MYO18B: variants seen among roughly 807,000 people sequenced by gnomAD.
The protein encoded by MYO18B is myosin XVIIIB.
Under a neutral mutation model 273.0 loss-of-function variants are expected in MYO18B, and 204 were observed. The ratio of observed to expected loss-of-function variants is 0.75; its 90% CI spans 0.67 to 0.84. The LOEUF is 0.84. MYO18B is among the 40% of genes least tolerant of loss of function. The pLI is 0.00. For synonymous variants in MYO18B, 1,330 were observed against 1,305.7 expected (o/e 1.02, Z -0.40); for missense variants, 3,212 against 3,287.6 (o/e 0.98, Z 0.56).
At chr22:25,774,332 G>A (rs995047433) in intron 7 of MYO18B, among the ~76,000 whole-genome samples, 4 of 152,196 alleles carry the variant, frequency 2.6e-5, no homozygotes, top group Admixed American at 2.6e-4. Flanking sequence ...TCCCGTCCTT[G>A]TGGTGAGTGC....
At chr22:26,058,774 G>A in the MYO18B span, among the ~76,000 whole-genome samples, 8 of 152,242 alleles carry the variant, frequency 5.3e-5, no homozygotes, top group African/African-American at 1.9e-4. Flanking sequence ...TCCATCATGA[G>A]TGGAAGCAGC....
At chr22:25,954,129 T>C (rs1250961570) in intron 38 of MYO18B, among the ~76,000 whole-genome samples, 1 of 152,200 alleles carries the variant, frequency 6.6e-6, no homozygotes. Context: ...TCAGGATCGA[T>C]TGGTTCCCGG....
intron 25 of MYO18B, among the ~76,000 whole-genome samples, chr22:25,885,069 A>G (rs2091457642): frequency 6.6e-6 from 1 of 152,222 alleles, no homozygotes; most frequent in Admixed American, 6.5e-5. Flanking sequence ...CAAAGCATTC[A>G]ATGCAAATTC....
the MYO18B span, among the ~76,000 whole-genome samples, chr22:26,047,261 G>A: frequency 1.3e-5 from 2 of 151,874 alleles, no homozygotes; most frequent in Non-Finnish European, 2.9e-5. Context: ...TGAGTAGCTG[G>A]GACTACAGGC....
intron 42 of MYO18B, 62 bp from the exon 43 acceptor site, chr22:26,026,383 C>A: frequency 6.5e-7 from 1 of 1,535,582 alleles, no homozygotes; most frequent in Non-Finnish European, 8.8e-7. Context: ...GCTCTCACAC[C>A]GATTGCACAA....
intron 28 of MYO18B, chr22:25,897,370 C>G (rs561043543): frequency 3.3e-5 from 5 of 152,202 alleles, no homozygotes; most frequent in Non-Finnish European, 5.9e-5. Flanking sequence ...TTGATATCCT[C>G]TATGCTGATG....
Position 25,772,412 on chromosome 22 carries a change from C to CG in MYO18B, c.1771_1772insG (p.Leu591ArgfsTer17), listed in dbSNP as rs767453045. The CG allele has an allele frequency of 1.2e-6, 2 of 1,613,928 alleles. No homozygotes were observed. Among genetic ancestry groups the CG allele is most frequent in the Non-Finnish European group, 8.5e-7 (1 of 1,179,904 alleles). ...CAACGAATCCAGTGTCCTGAACACG[C>CG]TTCTGCAGCGCTACAAAGCTCAGCT... is the stretch of plus-strand genomic sequence containing the variant. On this transcript the variant is annotated frameshift_variant, in exon 7 of 44. Coordinates refer to ENST00000335473, the MANE Select transcript of MYO18B (RefSeq NM_032608.7). LOFTEE classifies it high-confidence loss of function.
At chr22:26,051,444 C>T in the MYO18B span, among the ~76,000 whole-genome samples, 4 of 152,126 alleles carry the variant, frequency 2.6e-5, no homozygotes, top group African/African-American at 7.2e-5. Flanking sequence ...AGGATGGTCT[C>T]GATCTCTTGT....
At chr22:25,900,443 G>A (rs939647962) in intron 29 of MYO18B, 1 of 152,264 alleles carries the variant, frequency 6.6e-6, no homozygotes, top group Non-Finnish European at 1.5e-5. Context: ...ATAGAGTGAT[G>A]CCTCCACATT....
chr22:25,770,447 C>T (rs991760992), intron 5 of MYO18B, among the ~76,000 whole-genome samples: 2 of 152,170 alleles, frequency 1.3e-5, no homozygotes, highest in African/African-American at 2.4e-5. Flanking sequence ...ATCTCATGAG[C>T]CTACTTTTGT....
intron 39 of MYO18B, among the ~76,000 whole-genome samples, chr22:25,955,817 G>A (rs911756016): frequency 3.9e-5 from 6 of 152,046 alleles, no homozygotes; most frequent in African/African-American, 9.7e-5. Context: ...AGGACAAACC[G>A]AGCCTTCCAG....
intron 21 of MYO18B, among the ~76,000 whole-genome samples, chr22:25,866,633 G>T (rs2146132380): frequency 6.6e-6 from 1 of 152,022 alleles, no homozygotes; most frequent in South Asian, 2.1e-4. Context: ...GAGGTCAAGA[G>T]ATGGAGACCA....
At chr22:25,895,666 C>T (rs1269127459) in intron 28 of MYO18B, 1 of 163,868 alleles carries the variant, frequency 6.1e-6, no homozygotes, top group Non-Finnish European at 1.3e-5. Flanking sequence ...AATCTGCTAC[C>T]TTCATCTCTC....
chr22:25,989,746 C>T lies in MYO18B; in HGVS notation c.6157-2617C>T, dbSNP rs6004878. ...CTGGGAGGCGGAGCTTGCAGTAAGCCGAGATAGTGAGACTCCGTCTCAAAA... is the reference window on the plus strand; with the variant it reads ...CTGGGAGGCGGAGCTTGCAGTAAGCTGAGATAGTGAGACTCCGTCTCAAAA... On this transcript the variant is annotated intron_variant, in intron 39 of 43. Transcript: ENST00000335473. Among the ~76,000 whole-genome samples the T allele has an allele frequency of 3.4e-3, 462 of 135,556 alleles. 3 individuals carry two copies. The highest frequency in any genetic ancestry group is 0.012 in the African/African-American group (438 of 35,214). 88.9% of individuals were successfully genotyped at this position (135,556 alleles called of 152,430 possible).
chr22:25,907,948 G>A (rs1040045282), intron 31 of MYO18B, among the ~76,000 whole-genome samples: 15 of 151,084 alleles, frequency 9.9e-5, no homozygotes, highest in East Asian at 3.9e-4. Context: ...CAGGAGAATC[G>A]CTTAAAGCCA....
intron 39 of MYO18B, among the ~76,000 whole-genome samples, chr22:25,989,626 C>CAAAAAAAAAA (rs56004208): frequency 2.3e-5 from 2 of 88,594 alleles, no homozygotes; most frequent in Non-Finnish European, 2.0e-5. Context: ...ACTAAAAATA[C>CAAAAAAAAAA]AAAAAAAAAA....
rs1936253114 is a variant in MYO18B, at chr22:26,026,531, C to A, written c.6557C>A (p.Thr2186Asn). Residue 2186 changes from threonine to asparagine, a missense_variant, in exon 43 of 44, where the codon ACC becomes AAC. Coordinates refer to ENST00000335473, the MANE Select transcript of MYO18B (RefSeq NM_032608.7). The stretch of plus-strand genomic sequence containing the variant: ...CGGTCCACCAATGTCCACAGCAAGA[C>A]CTCAGGAGACAAGCCTGTTTCTCCC... ...RARSTNVHSK[T>N]SGDKPVSPHF... The A allele has an allele frequency of 6.2e-7, 1 of 1,613,900 alleles. No homozygotes were observed. The highest frequency in any genetic ancestry group is 8.5e-7 in the Non-Finnish European group (1 of 1,179,894).
At chr22:25,895,089 G>T in intron 27 of MYO18B, 67 bp from the exon 28 acceptor site, 2 of 1,552,808 alleles carry the variant, frequency 1.3e-6, no homozygotes, top group Non-Finnish European at 1.8e-6. Flanking sequence ...GTGGAGGAGA[G>T]CCACTCACAC....
the MYO18B span, among the ~76,000 whole-genome samples, chr22:26,060,679 A>G: frequency 0.02 from 3,067 of 152,288 alleles, 120 homozygotes; most frequent in African/African-American, 0.068. Context: ...ACACATGCAC[A>G]CTACACACAT....
Sources: allele counts gnomAD v4.1 joint callset (sites outside exome capture counted in the v4.1 genomes callset), GRCh38; gene constraint gnomAD v4.1.1; transcripts MANE v1.5; gene names NCBI Gene and HGNC (gene_info 2026-07-23, HGNC 2026-07-21).